The following CNTN3 variants were observed in gnomAD, a reference collection of about 807,000 sequenced individuals.
CNTN3 encodes the protein contactin-3.
Under a neutral mutation model 119.1 loss-of-function variants are expected in CNTN3, and 60 were observed. The observed-to-expected ratio is 0.50, with a 90% CI of 0.41 to 0.62. The LOEUF is 0.62. Ranked by LOEUF, CNTN3 falls within the 20% of genes least tolerant of loss-of-function variation. The probability of loss-of-function intolerance (pLI) is 0.00; values close to 1 mark genes in which losing one functional copy is unlikely to be tolerated. For synonymous variants in CNTN3, 450 were observed against 438.7 expected, an observed-to-expected ratio of 1.03 and a Z score of -0.32; for missense variants, 1,101 against 1,242.4, an observed-to-expected ratio of 0.89 and a Z score of 1.71.
intron 1 of CNTN3, among the ~76,000 whole-genome samples, chr3:74,580,411 G>A (rs1174107938): frequency 1.3e-5 from 2 of 151,958 alleles, no homozygotes; most frequent in Non-Finnish European, 2.9e-5. Flanking sequence ...ATACCAAAAA[G>A]CTAACAAATA....
At chr3:74,377,724 T>C (rs1426551777) in intron 5 of CNTN3, among the ~76,000 whole-genome samples, 2 of 152,156 alleles carry the variant, frequency 1.3e-5, no homozygotes, top group African/African-American at 2.4e-5. Context: ...ATCAAAGCTA[T>C]AAATTTAAAA....
At chr3:74,402,596 T>C (rs1020842922) in intron 5 of CNTN3, among the ~76,000 whole-genome samples, 1 of 152,200 alleles carries the variant, frequency 6.6e-6, no homozygotes, top group Admixed American at 6.5e-5. Context: ...CTAAGCATTA[T>C]TTTTGGCTTT....
chr3:74,502,756 TG>T (rs781651247), intron 2 of CNTN3, among the ~76,000 whole-genome samples: 28 of 152,122 alleles, frequency 1.8e-4, no homozygotes, highest in Non-Finnish European at 3.4e-4. Context: ...AGCTTAAATG[TG>T]ACCATCCGCA....
intron 5 of CNTN3, among the ~76,000 whole-genome samples, chr3:74,400,222 T>G (rs1705157272): frequency 6.6e-6 from 1 of 152,232 alleles, no homozygotes; most frequent in Admixed American, 6.5e-5. Context: ...GGCTCTTTCT[T>G]CTCCTTCAAA....
intron 4 of CNTN3, among the ~76,000 whole-genome samples, chr3:74,470,882 G>A (rs1467677743): frequency 6.6e-6 from 1 of 151,840 alleles, no homozygotes; most frequent in South Asian, 2.1e-4. Context: ...TGTTGTTGTT[G>A]TTGTTGTTGT....
chr3:74,521,076 A>C lies in CNTN3; in HGVS notation c.37T>G (p.Phe13Val). 1 of 1,601,660 alleles carries C rather than the reference A, an allele frequency of 6.2e-7. No homozygotes were observed. The highest frequency in any genetic ancestry group is 8.5e-7 in the Non-Finnish European group (1 of 1,173,026). The part of the protein sequence containing the change: ...FPWKQLILLS[F>V]IGCLGGELLL... ...TTTTTACCTCCTAAGCAGCCAATGA[A>C]TGAAAGCAGGATCAACTGTTTCCAT... The change falls in exon 2 of 23, where the codon TTC (phenylalanine) becomes GTC (valine). Residue 13 changes from phenylalanine (F) to valine (V), a missense_variant. Coordinates refer to ENST00000263665, the MANE Select transcript of CNTN3 (RefSeq NM_020872.3).
chr3:74,431,786 T>C (rs1242307785), intron 4 of CNTN3, among the ~76,000 whole-genome samples: 1 of 152,206 alleles, frequency 6.6e-6, no homozygotes, highest in East Asian at 1.9e-4. Flanking sequence ...GGTGGCCAGC[T>C]GACTAAATGG....
chr3:74,554,822 T>C (rs1473666380), intron 1 of CNTN3, among the ~76,000 whole-genome samples: 10 of 152,242 alleles, frequency 6.6e-5, no homozygotes, highest in African/African-American at 2.4e-4. Context: ...GCTGAGACGA[T>C]GGGGTTTTCT....
chr3:74,321,436 A>T (rs1211557845), intron 13 of CNTN3, among the ~76,000 whole-genome samples: 1 of 152,154 alleles, frequency 6.6e-6, no homozygotes, highest in Non-Finnish European at 1.5e-5. Context: ...AATTTATGTC[A>T]TTGAGTGCAT....
At chr3:74,345,193 G>A (rs144833738) in intron 11 of CNTN3, among the ~76,000 whole-genome samples, 1 of 152,162 alleles carries the variant, frequency 6.6e-6, no homozygotes, top group East Asian at 1.9e-4. Flanking sequence ...ATACAATATA[G>A]AGGGCTTCAA....
intron 1 of CNTN3, among the ~76,000 whole-genome samples, chr3:74,556,093 T>A (rs965590384): frequency 1.3e-5 from 2 of 152,210 alleles, no homozygotes; most frequent in African/African-American, 4.8e-5. Context: ...GCTTGTAGCT[T>A]GTCTTCTTAT....
chr3:74,496,427 T>C (rs1010510085), intron 3 of CNTN3, among the ~76,000 whole-genome samples: 5 of 152,120 alleles, frequency 3.3e-5, no homozygotes, highest in South Asian at 2.1e-4. Flanking sequence ...GGTTGAATGA[T>C]AGACAGTTTC....
At chr3:74,440,528 G>A (rs530722688) in intron 4 of CNTN3, among the ~76,000 whole-genome samples, 1 of 151,256 alleles carries the variant, frequency 6.6e-6, no homozygotes, top group South Asian at 2.1e-4. Context: ...GTGGAATGTA[G>A]AGAAATGCAT....
At chr3:74,500,552 G>A (rs1307069201) in intron 2 of CNTN3, among the ~76,000 whole-genome samples, 1 of 148,034 alleles carries the variant, frequency 6.8e-6, no homozygotes, top group Non-Finnish European at 1.5e-5. Flanking sequence ...TGCTTGGAAT[G>A]CTCAGCAAAA....
intron 5 of CNTN3, among the ~76,000 whole-genome samples, chr3:74,397,748 G>A (rs1705092656): frequency 6.6e-6 from 1 of 152,148 alleles, no homozygotes; most frequent in Admixed American, 6.5e-5. Context: ...AACCTTCTGG[G>A]AAGGACTCAT....
intron 4 of CNTN3, among the ~76,000 whole-genome samples, chr3:74,455,707 T>C (rs571929371): frequency 1.1e-4 from 17 of 152,190 alleles, no homozygotes; most frequent in African/African-American, 3.6e-4. Flanking sequence ...GTTCGTTAGT[T>C]TTCCTTCTAA....
chr3:74,403,466 G>A (rs1000502239), intron 5 of CNTN3, among the ~76,000 whole-genome samples: 10 of 152,124 alleles, frequency 6.6e-5, no homozygotes, highest in Non-Finnish European at 1.5e-5. Flanking sequence ...AATGAAACCA[G>A]AACTCAGACT....
At chr3:74,552,616 A>G (rs1407149563) in intron 1 of CNTN3, among the ~76,000 whole-genome samples, 2 of 152,168 alleles carry the variant, frequency 1.3e-5, no homozygotes, top group Non-Finnish European at 2.9e-5. Context: ...ATGTTGTCTC[A>G]TATGATTTGG....
intron 5 of CNTN3, among the ~76,000 whole-genome samples, chr3:74,411,368 G>A (rs961105725): frequency 2.6e-5 from 4 of 152,070 alleles, no homozygotes; most frequent in East Asian, 1.9e-4. Flanking sequence ...CTAGGTCAGC[G>A]CTTCCTGAAG....
Sources: allele counts gnomAD v4.1 joint callset (sites outside exome capture counted in the v4.1 genomes callset), GRCh38; gene constraint gnomAD v4.1.1; transcripts MANE v1.5; gene names NCBI Gene and HGNC (gene_info 2026-07-23, HGNC 2026-07-21).